The following JADE2 variants were observed in gnomAD, a reference collection of about 807,000 sequenced individuals.
JADE2 encodes the protein E3 ubiquitin-protein ligase Jade-2.
Under a neutral mutation model 85.7 loss-of-function variants are expected in JADE2, and 13 were observed. That is an observed-to-expected ratio of 0.15 (90% CI 0.10 to 0.24). The LOEUF is 0.24. Ranked by LOEUF, JADE2 falls within the 10% of genes least tolerant of loss-of-function variation. The probability of loss-of-function intolerance (pLI) is 1.00; values close to 1 mark genes in which losing one functional copy is unlikely to be tolerated. For synonymous variants in JADE2, 440 were observed against 456.1 expected, an observed-to-expected ratio of 0.96 and a Z score of 0.45; for missense variants, 846 against 1,115.9, an observed-to-expected ratio of 0.76 and a Z score of 3.45.
At chr5:134,557,506 A>T (rs1763053445) in intron 4 of JADE2, among the ~76,000 whole-genome samples, 2 of 121,064 alleles carry the variant, frequency 1.7e-5, no homozygotes, top group Non-Finnish European at 3.4e-5. Context: ...CATTAGGTAT[A>T]TCTCCCAATG....
At chr5:134,572,991 G>A (rs1764132159) in intron 9 of JADE2, among the ~76,000 whole-genome samples, 1 of 151,988 alleles carries the variant, frequency 6.6e-6, no homozygotes. Flanking sequence ...GGCCAGCATG[G>A]CGTGAGCCTG....
intron 3 of JADE2, among the ~76,000 whole-genome samples, chr5:134,550,896 T>G (rs1351085597): frequency 6.6e-6 from 1 of 152,184 alleles, no homozygotes; most frequent in Admixed American, 6.5e-5. Flanking sequence ...TGTGCTTGAT[T>G]AAGAACAAAG....
rs527890032 is a variant in JADE2 at position 134,562,228 on chromosome 5, C to A, written c.713C>A (p.Thr238Lys). The A allele has an allele frequency of 1.2e-6, 2 of 1,613,140 alleles. No homozygotes were observed. Among genetic ancestry groups the A allele is most frequent in the East Asian group, 2.2e-5 (1 of 44,894 alleles). Residue 238 changes from threonine to lysine, a missense_variant, in exon 7 of 12, where the codon ACG (threonine) becomes AAG (lysine). Thr to Lys is a moderately conservative substitution (Grantham distance 78). Coordinates refer to ENST00000681547, the MANE Select transcript of JADE2 (RefSeq NM_001388185.1). The surrounding 1 kb of genome is among the most constrained non-coding windows in gnomAD (Gnocchi z 4.6). ...QACYGILKVP[T>K]GSWLCRTCAL... is the part of the protein sequence containing the mutation. ...TGCTACGGGATCCTCAAGGTGCCCA[C>A]GGGCAGCTGGCTGTGCCGGACGTGT...
rs1452322482 is a variant in JADE2, at chr5:134,578,917, G to A, written c.2105G>A (p.Ser702Asn). 6.2e-7 allele frequency: 1 copy of A among 1,613,822 alleles called. No individual in the cohort carries two copies. The highest frequency in any genetic ancestry group is 8.5e-7 in the Non-Finnish European group (1 of 1,180,010). The change falls in exon 12 of 12, where the codon AGC becomes AAC. Residue 702 changes from serine to asparagine, a missense_variant. Around this residue, in one of 9 missense-constraint regions of JADE2, gnomAD observed 300 missense variants for 300.7 expected, o/e 1.00. Transcript: ENST00000681547. This position sits in a 1 kb window ranked among gnomAD's most constrained non-coding sequence, Gnocchi z 4.4. ...CGGACATCTTCTCACTTGCCGTCCA[G>A]CCCTGCAGCCGGGGACTGTCCCATC... ...PRRTSSHLPS[S>N]PAAGDCPILA...
At chr5:134,550,684 TG>T (rs1762540199) in intron 3 of JADE2, among the ~76,000 whole-genome samples, 2 of 152,176 alleles carry the variant, frequency 1.3e-5, no homozygotes, top group East Asian at 3.9e-4. Flanking sequence ...TAGCGCTTTG[TG>T]GGGGGATCAC....
chr5:134,566,008 C>A lies in JADE2; in HGVS notation c.970-108C>A. 1 of 949,184 alleles carries A rather than the reference C, an allele frequency of 1.1e-6. No individual in the cohort carries two copies. The highest frequency in any genetic ancestry group is 1.6e-6 in the Non-Finnish European group (1 of 622,682). 58.8% of individuals were successfully genotyped at this position (949,184 alleles called of 1,614,324 possible). A position where few individuals can be genotyped will look rare whatever the true frequency, so the allele number is the denominator to read the frequency against. On this transcript the variant is annotated intron_variant, in intron 8 of 11. Transcript: ENST00000681547. This position sits in a 1 kb window ranked among gnomAD's most constrained non-coding sequence, Gnocchi z 6.7. Reference sequence around the variant, plus strand: ...GAGCCCATGCCATTCTGTTTAGGTTCTCTCCAGCATTGCGCATTCTCAGTA... The same window carrying A: ...GAGCCCATGCCATTCTGTTTAGGTTATCTCCAGCATTGCGCATTCTCAGTA...
chr5:134,529,234 A>C (rs897438674), intron 1 of JADE2, among the ~76,000 whole-genome samples: 3 of 152,166 alleles, frequency 2.0e-5, no homozygotes, highest in African/African-American at 7.2e-5. Context: ...AGAACAGGTC[A>C]GAGTTGGGGA....
chr5:134,573,151 G>A (rs1764144421), intron 9 of JADE2, among the ~76,000 whole-genome samples: 1 of 152,230 alleles, frequency 6.6e-6, no homozygotes, highest in Non-Finnish European at 1.5e-5. Flanking sequence ...GTTAGTTTTT[G>A]CCATGCCATT....
chr5:134,582,991 T>C lies in JADE2; in HGVS notation c.*3674T>C, dbSNP rs951815971. 6.5e-6 allele frequency: 1 copy of C among 152,678 alleles called. No homozygotes were observed. The highest frequency in any genetic ancestry group is 1.5e-5 in the Non-Finnish European group (1 of 68,050). 9.5% of individuals were successfully genotyped at this position (152,678 alleles called of 1,614,324 possible). A position where few individuals can be genotyped will look rare whatever the true frequency, so the allele number is the denominator to read the frequency against. On this transcript the variant is annotated 3_prime_UTR_variant, in exon 12 of 12. Transcript: ENST00000681547. ...AGACCTATTTCTCCTTTTTGTACAT[T>C]GTCCATGTGCGCAACCCTTAACGAG...
chr5:134,547,685 C>G (rs2149918435), intron 3 of JADE2, among the ~76,000 whole-genome samples: 1 of 152,318 alleles, frequency 6.6e-6, no homozygotes, highest in Non-Finnish European at 1.5e-5. Context: ...CACAGAGGCT[C>G]TTTTGGAAGG....
At chr5:134,525,012 G>T (rs1381065567), upstream of JADE2, among the ~76,000 whole-genome samples, 1 of 152,244 alleles carries the variant, frequency 6.6e-6, no homozygotes, top group East Asian at 1.9e-4. Context: ...AGCCCCGGGG[G>T]GCGGGGTGCT....
intron 3 of JADE2, among the ~76,000 whole-genome samples, chr5:134,546,520 C>T (rs1762299528): frequency 6.6e-6 from 1 of 152,170 alleles, no homozygotes; most frequent in South Asian, 2.1e-4. Context: ...GTAATCCCAG[C>T]ACTTTGGGAG....
chr5:134,561,900 CTA>C (rs1763345986), intron 6 of JADE2, among the ~76,000 whole-genome samples: 1 of 152,130 alleles, frequency 6.6e-6, no homozygotes, highest in African/African-American at 2.4e-5. Context: ...CTCCTTAAGT[CTA>C]TTGCTGGTTA....
At chr5:134,555,936 G>A (rs930033003) in intron 4 of JADE2, among the ~76,000 whole-genome samples, 1 of 152,034 alleles carries the variant, frequency 6.6e-6, no homozygotes, top group Non-Finnish European at 1.5e-5. Flanking sequence ...CCCCTTCTCC[G>A]TGCCCCCTCG....
chr5:134,570,487 G>T (rs1286199195), intron 9 of JADE2, among the ~76,000 whole-genome samples: 5 of 152,038 alleles, frequency 3.3e-5, no homozygotes, highest in African/African-American at 9.7e-5. Context: ...CTAGTCGTGG[G>T]TTCCTCCGCT....
intron 4 of JADE2, among the ~76,000 whole-genome samples, chr5:134,555,276 G>T (rs971251957): frequency 1.3e-5 from 2 of 152,200 alleles, no homozygotes; most frequent in African/African-American, 4.8e-5. Flanking sequence ...CCTCACTGGG[G>T]CCAGAAGTCT....
chr5:134,575,755 C>T (rs569979218), intron 10 of JADE2: 1 of 150,894 alleles, frequency 6.6e-6, no homozygotes, highest in Admixed American at 6.6e-5. Flanking sequence ...ATTAGCTGAG[C>T]ATGGTGACAC....
chr5:134,531,814 C>T (rs1382744190), intron 1 of JADE2, among the ~76,000 whole-genome samples: 1 of 150,128 alleles, frequency 6.7e-6, no homozygotes, highest in East Asian at 1.9e-4. Flanking sequence ...AATTCCTGAC[C>T]TCTCAAGTGA....
At position 134,566,079 on chromosome 5, in the gene JADE2, C is replaced by A. The variant is rs1320085654; in HGVS notation, c.970-37C>A. ...CTGTCTTCTCCCCTCCCACCAGGCT[C>A]CCTCCATGTCTGATCCTGCCCCTCC... On this transcript the variant is annotated intron_variant, in intron 8 of 11. Transcript: ENST00000681547. This position sits in a 1 kb window ranked among gnomAD's most constrained non-coding sequence, Gnocchi z 6.7. 1.9e-6 allele frequency: 3 copies of A among 1,558,420 alleles called. No homozygotes were observed. The highest frequency in any genetic ancestry group is 2.6e-6 in the Non-Finnish European group (3 of 1,138,818).
Sources: allele counts gnomAD v4.1 joint callset (sites outside exome capture counted in the v4.1 genomes callset), GRCh38; gene constraint gnomAD v4.1.1; regional missense constraint gnomAD v4.1.1; non-coding constraint Gnocchi (gnomAD v3.1); transcripts MANE v1.5; gene names NCBI Gene and HGNC (gene_info 2026-07-23, HGNC 2026-07-21).